The following GALNT13 variants were observed in gnomAD, a reference collection of about 807,000 sequenced individuals.
GALNT13 encodes polypeptide N-acetylgalactosaminyltransferase 13, also known as UDP-GalNAc:polypeptide N-acetylgalactosaminyltransferase 13.
A neutral mutation model predicts 64.2 loss-of-function variants in GALNT13; 28 were observed. The observed-to-expected ratio is 0.44, with a 90% CI of 0.32 to 0.60. The LOEUF (loss-of-function observed/expected upper bound fraction) is 0.60, where lower values mean the gene tolerates loss of function less well. Ranked by LOEUF, GALNT13 falls within the 20% of genes least tolerant of loss-of-function variation. The pLI is 0.05. For synonymous variants in GALNT13, 214 were observed against 224.6 expected (o/e 0.95, Z 0.42); for missense variants, 577 against 669.8 (o/e 0.86, Z 1.53).
chr2:153,591,598 A>G, the GALNT13 span, among the ~76,000 whole-genome samples: 4 of 152,050 alleles, frequency 2.6e-5, no homozygotes, highest in African/African-American at 9.6e-5. Flanking sequence ...TAAAATAAAC[A>G]CATATATCAA....
At chr2:153,649,152 G>A in the GALNT13 span, among the ~76,000 whole-genome samples, 3 of 152,082 alleles carry the variant, frequency 2.0e-5, no homozygotes, top group Non-Finnish European at 2.9e-5. Flanking sequence ...GCCTGTTATT[G>A]GTCTATTCAG....
At chr2:153,425,925 T>C in the GALNT13 span, among the ~76,000 whole-genome samples, 1 of 151,896 alleles carries the variant, frequency 6.6e-6, no homozygotes, top group African/African-American at 2.4e-5. Flanking sequence ...GCAGTAATTA[T>C]TCCAATTTGT....
chr2:153,713,923 C>T, the GALNT13 span, among the ~76,000 whole-genome samples: 1 of 152,282 alleles, frequency 6.6e-6, no homozygotes, highest in East Asian at 1.9e-4. Context: ...CTGCCATTTT[C>T]ATATCCTGGA....
At chr2:153,499,153 G>C in the GALNT13 span, among the ~76,000 whole-genome samples, 1 of 152,246 alleles carries the variant, frequency 6.6e-6, no homozygotes, top group South Asian at 2.1e-4. Flanking sequence ...GCCTGGCCAG[G>C]TCCTGGGTTC....
At chr2:153,759,837 A>G in the GALNT13 span, among the ~76,000 whole-genome samples, 1 of 152,032 alleles carries the variant, frequency 6.6e-6, no homozygotes, top group African/African-American at 2.4e-5. Flanking sequence ...TAAAAAAAAA[A>G]TTGGAAATAC....
At chr2:153,345,794 T>C in the GALNT13 span, among the ~76,000 whole-genome samples, 664 of 145,434 alleles carry the variant, frequency 4.6e-3, 14 homozygotes, top group African/African-American at 0.016. Context: ...TCTCTCTTTC[T>C]TTCTCTCTTT....
chr2:154,391,290 G>A (rs1698779569), intron 9 of GALNT13, among the ~76,000 whole-genome samples: 1 of 152,098 alleles, frequency 6.6e-6, no homozygotes, highest in Non-Finnish European at 1.5e-5. Flanking sequence ...CCATTCCTGA[G>A]TCAGTCATTG....
At chr2:154,196,057 A>G (rs577748837) in intron 4 of GALNT13, among the ~76,000 whole-genome samples, 1 of 152,314 alleles carries the variant, frequency 6.6e-6, no homozygotes, top group South Asian at 2.1e-4. Flanking sequence ...CATTGCAAAT[A>G]TTTGCTGGTG....
chr2:154,139,108 T>C (rs1228090706), intron 3 of GALNT13, among the ~76,000 whole-genome samples: 1 of 152,020 alleles, frequency 6.6e-6, no homozygotes, highest in Non-Finnish European at 1.5e-5. Flanking sequence ...TCCTTAGAGA[T>C]GCCTATTCTC....
At chr2:153,321,281 T>G in the GALNT13 span, among the ~76,000 whole-genome samples, 1 of 152,236 alleles carries the variant, frequency 6.6e-6, no homozygotes, top group Non-Finnish European at 1.5e-5. Context: ...AACTTCCCAC[T>G]TTCATGTGTA....
chr2:153,957,773 T>C (rs1437766913), intron 3 of GALNT13, among the ~76,000 whole-genome samples: 2 of 152,184 alleles, frequency 1.3e-5, no homozygotes, highest in African/African-American at 4.8e-5. Flanking sequence ...TTCTTTTTTT[T>C]CCTATTGCCC....
the GALNT13 span, among the ~76,000 whole-genome samples, chr2:153,222,089 C>T: frequency 6.6e-6 from 1 of 151,916 alleles, no homozygotes; most frequent in East Asian, 2.0e-4. Context: ...AAGTTCTTGT[C>T]CCACACCCAG....
chr2:153,698,363 A>G, the GALNT13 span, among the ~76,000 whole-genome samples: 1 of 152,214 alleles, frequency 6.6e-6, no homozygotes, highest in Admixed American at 6.5e-5. Flanking sequence ...TCATGTGCAA[A>G]GACATACATA....
chr2:154,059,331 T>C (rs1015910756), intron 3 of GALNT13, among the ~76,000 whole-genome samples: 2 of 152,226 alleles, frequency 1.3e-5, no homozygotes, highest in African/African-American at 4.8e-5. Context: ...TGCTTTTAGC[T>C]ATTTTAATCT....
intron 4 of GALNT13, among the ~76,000 whole-genome samples, chr2:154,150,482 T>C (rs907452231): frequency 4.6e-5 from 7 of 152,268 alleles, no homozygotes; most frequent in Non-Finnish European, 8.8e-5. Flanking sequence ...GTCTGTTGAT[T>C]GGAATAGTTT....
the GALNT13 span, among the ~76,000 whole-genome samples, chr2:153,219,087 C>G: frequency 2.6e-5 from 4 of 152,156 alleles, no homozygotes; most frequent in African/African-American, 7.2e-5. Context: ...CTAAATGTTC[C>G]TCTTGGGGAT....
At chr2:154,117,160 G>A (rs1471520964) in intron 3 of GALNT13, among the ~76,000 whole-genome samples, 1 of 152,050 alleles carries the variant, frequency 6.6e-6, no homozygotes, top group Non-Finnish European at 1.5e-5. Flanking sequence ...CACCCACCGA[G>A]ATTAAGTTTG....
At chr2:153,779,177 C>CT in the GALNT13 span, among the ~76,000 whole-genome samples, 1,101 of 148,858 alleles carry the variant, frequency 7.4e-3, 15 homozygotes, top group African/African-American at 0.025. Flanking sequence ...TATATCTTTC[C>CT]TTTTTTTTTT....
At chr2:154,062,733 A>G (rs1700255561) in intron 3 of GALNT13, among the ~76,000 whole-genome samples, 1 of 152,198 alleles carries the variant, frequency 6.6e-6, no homozygotes, top group Admixed American at 6.5e-5. Flanking sequence ...TCGACATGAG[A>G]TTTGAATGGG....
Sources: allele counts gnomAD v4.1 joint callset (sites outside exome capture counted in the v4.1 genomes callset), GRCh38; gene constraint gnomAD v4.1.1; transcripts MANE v1.5; gene names NCBI Gene and HGNC (gene_info 2026-07-23, HGNC 2026-07-21).